KANK1: variants seen among roughly 807,000 people sequenced by gnomAD.
KANK1 encodes KN motif and ankyrin repeat domain-containing protein 1.
KANK1 carries 109 observed loss-of-function variants against 106.2 expected under a neutral mutation model. The ratio of observed to expected loss-of-function variants is 1.03; its 90% CI spans 0.88 to 1.20. KANK1 has a LOEUF of 1.20. KANK1 is among the 50% of genes most tolerant of loss of function. The probability of loss-of-function intolerance (pLI) is 0.00; values close to 1 mark genes in which losing one functional copy is unlikely to be tolerated. For synonymous variants in KANK1, 873 were observed against 652.2 expected (o/e 1.34, Z -5.16); for missense variants, 2,399 against 1,710.7 (o/e 1.40, Z -7.10).
At chr9:608,556 C>T (rs1428609990) in intron 1 of KANK1, among the ~76,000 whole-genome samples, 1 of 150,418 alleles carries the variant, frequency 6.6e-6, no homozygotes, top group East Asian at 1.9e-4. Flanking sequence ...TGGGAACTGT[C>T]AAGGTAGTTG....
At chr9:483,033 C>T (rs1442588197) in intron 3 of KANK1, among the ~76,000 whole-genome samples, 3 of 152,142 alleles carry the variant, frequency 2.0e-5, no homozygotes, top group African/African-American at 7.2e-5. Flanking sequence ...CATCACAGTG[C>T]TTGCGTCCAA....
intron 1 of KANK1, among the ~76,000 whole-genome samples, chr9:551,614 T>A (rs2061286766): frequency 6.6e-6 from 1 of 152,202 alleles, no homozygotes; most frequent in African/African-American, 2.4e-5. Flanking sequence ...CTCTCACCTG[T>A]GCTCCAGACG....
chr9:664,484 A>G (rs929659448), intron 1 of KANK1, among the ~76,000 whole-genome samples: 5 of 152,028 alleles, frequency 3.3e-5, no homozygotes, highest in African/African-American at 7.3e-5. Flanking sequence ...TTTTGTAGAG[A>G]CAGAGTCCTG....
upstream of KANK1, among the ~76,000 whole-genome samples, chr9:500,331 T>C (rs2058528703): frequency 6.6e-6 from 1 of 152,198 alleles, no homozygotes; most frequent in Non-Finnish European, 1.5e-5. Flanking sequence ...AGAGATCCCA[T>C]AGATAATAGG....
intron 1 of KANK1, among the ~76,000 whole-genome samples, chr9:580,971 A>G (rs961784211): frequency 6.6e-6 from 1 of 152,134 alleles, no homozygotes; most frequent in South Asian, 2.1e-4. Context: ...GCAGGCTGAC[A>G]CTGCTAGGGA....
chr9:609,658 T>C (rs956121962), intron 1 of KANK1, among the ~76,000 whole-genome samples: 1 of 152,054 alleles, frequency 6.6e-6, no homozygotes, highest in Non-Finnish European at 1.5e-5. Context: ...AATAAAATAA[T>C]GAATAGACTC....
intron 3 of KANK1, among the ~76,000 whole-genome samples, chr9:715,109 C>T (rs1367659670): frequency 6.6e-6 from 1 of 152,088 alleles, no homozygotes; most frequent in Non-Finnish European, 1.5e-5. Flanking sequence ...TGTTAGTTTT[C>T]AGTATCTGTG....
chr9:704,318 G>A (rs1823451539), intron 2 of KANK1, among the ~76,000 whole-genome samples: 1 of 152,180 alleles, frequency 6.6e-6, no homozygotes, highest in South Asian at 2.1e-4. Context: ...TGAGGCCCAA[G>A]TTCCTTCTAG....
intron 1 of KANK1, among the ~76,000 whole-genome samples, chr9:609,069 A>G (rs749336507): frequency 6.6e-6 from 1 of 151,976 alleles, no homozygotes; most frequent in African/African-American, 2.4e-5. Context: ...TGTTCTCAGA[A>G]CTCAAAGGGA....
chr9:693,590 G>T, intron 2 of KANK1: 4 of 985,390 alleles, frequency 4.1e-6, no homozygotes, highest in Non-Finnish European at 4.8e-6. Flanking sequence ...CTGACGCCAA[G>T]AGTCCTGGAA....
intron 1 of KANK1, among the ~76,000 whole-genome samples, chr9:667,997 C>T (rs925743816): frequency 5.3e-5 from 8 of 152,114 alleles, no homozygotes; most frequent in African/African-American, 1.4e-4. Flanking sequence ...TCCCAAAGTA[C>T]TGGGATTACA....
intron 1 of KANK1, among the ~76,000 whole-genome samples, chr9:660,644 C>T (rs1408141370): frequency 2.0e-5 from 3 of 152,176 alleles, no homozygotes; most frequent in African/African-American, 4.8e-5. Flanking sequence ...TGGCCAGAAG[C>T]TCCTCCGCTC....
chr9:587,285 G>A (rs1432429886), intron 1 of KANK1, among the ~76,000 whole-genome samples: 1 of 76,212 alleles, frequency 1.3e-5, no homozygotes, highest in African/African-American at 3.5e-5. Flanking sequence ...ACAAATGTAT[G>A]ATTGAGAAAA....
chr9:744,153 A>G lies in KANK1; in HGVS notation c.3898-338A>G, dbSNP rs546999657. On this transcript the variant is annotated intron_variant, in intron 10 of 11. Coordinates refer to ENST00000382297, the MANE Select transcript of KANK1 (RefSeq NM_015158.5). ...CTTTGGCAAATTGCAGAGTCTCTAAACACACACTACTGCTGCTTGCCTGGT... is the reference window on the plus strand; with the variant it reads ...CTTTGGCAAATTGCAGAGTCTCTAAGCACACACTACTGCTGCTTGCCTGGT... Among the ~76,000 whole-genome samples the G allele has an allele frequency of 2.0e-5, 3 of 151,732 alleles. No individual in the cohort carries two copies. The East Asian group carries it at 5.8e-4, about 30-fold the overall frequency.
chr9:521,312 C>G (rs1042955012), intron 1 of KANK1, among the ~76,000 whole-genome samples: 1 of 151,572 alleles, frequency 6.6e-6, no homozygotes, highest in Non-Finnish European at 1.5e-5. Flanking sequence ...GGGCCATCTA[C>G]TTAGGCAAGA....
At chr9:576,725 T>C (rs546027533) in intron 1 of KANK1, among the ~76,000 whole-genome samples, 1 of 152,254 alleles carries the variant, frequency 6.6e-6, no homozygotes, top group African/African-American at 2.4e-5. Flanking sequence ...AGTAATTTTA[T>C]TTCAGGTTTG....
At chr9:507,030 C>T (rs1457823312) in intron 1 of KANK1, among the ~76,000 whole-genome samples, 1 of 152,014 alleles carries the variant, frequency 6.6e-6, no homozygotes, top group Admixed American at 6.6e-5. Context: ...AATTATGCAA[C>T]ATCCACTACA....
At chr9:507,321 C>G (rs1587333201) in intron 1 of KANK1, among the ~76,000 whole-genome samples, 1 of 152,062 alleles carries the variant, frequency 6.6e-6, no homozygotes, top group Non-Finnish European at 1.5e-5. Flanking sequence ...TGCCACTGCA[C>G]TCCAGCCTAG....
rs33935286 is a variant in KANK1 at position 714,361 on chromosome 9, A to ATTTT, written c.2698+912_2698+915dup. Among the ~76,000 whole-genome samples the ATTTT allele has an allele frequency of 2.7e-3, 348 of 128,806 alleles. 10 individuals carry two copies. Among genetic ancestry groups the ATTTT allele is most frequent in the African/African-American group, 8.7e-3 (288 of 33,232 alleles). 84.5% of individuals were successfully genotyped at this position (128,806 alleles called of 152,430 possible). On this transcript the variant is annotated intron_variant, in intron 3 of 11. Coordinates refer to ENST00000382297, the MANE Select transcript of KANK1 (RefSeq NM_015158.5). ...GAGAGAAGGGAGTCTTTTCCCACTC[A>ATTTT]TTTTTTTTTTTTTTTTTTGAGACAG...
Sources: allele counts gnomAD v4.1 joint callset (sites outside exome capture counted in the v4.1 genomes callset), GRCh38; gene constraint gnomAD v4.1.1; transcripts MANE v1.5; gene names NCBI Gene and HGNC (gene_info 2026-07-23, HGNC 2026-07-21).